The following DNMBP variants were observed in gnomAD, a reference collection of about 807,000 sequenced individuals.
The protein encoded by DNMBP is dynamin-binding protein.
A neutral mutation model predicts 150.0 loss-of-function variants in DNMBP; 87 were observed. That is an observed-to-expected ratio of 0.58 (90% CI 0.49 to 0.69). The LOEUF (loss-of-function observed/expected upper bound fraction) is 0.69, where lower values mean the gene tolerates loss of function less well. Among genes scored for constraint, DNMBP ranks in the 30% least tolerant of loss-of-function variants. The probability of loss-of-function intolerance (pLI) is 0.00; values close to 1 mark genes in which losing one functional copy is unlikely to be tolerated. For synonymous variants in DNMBP, 711 were observed against 750.4 expected, an observed-to-expected ratio of 0.95 and a Z score of 0.86; for missense variants, 1,774 against 1,949.0, an observed-to-expected ratio of 0.91 and a Z score of 1.69.
chr10:99,932,528 C>T (rs112462346), intron 4 of DNMBP, among the ~76,000 whole-genome samples: 16 of 151,652 alleles, frequency 1.1e-4, no homozygotes, highest in Admixed American at 2.0e-4. Context: ...AAATACTCTA[C>T]GTGGTCAGGC....
intron 1 of DNMBP, among the ~76,000 whole-genome samples, chr10:99,988,138 AGAT>A (rs1171795602): frequency 2.0e-5 from 3 of 152,210 alleles, no homozygotes; most frequent in Admixed American, 2.0e-4. Flanking sequence ...GCGTCCAATG[AGAT>A]GACCATTTTC....
rs533030422 is a variant in DNMBP, at chr10:99,896,187, A to G, written c.3051+80T>C. 2.6e-6 allele frequency: 4 copies of G among 1,522,514 alleles called. No individual in the cohort carries two copies. In the South Asian group the frequency reaches 3.7e-5, roughly 14 times the overall value. 94.3% of individuals were successfully genotyped at this position (1,522,514 alleles called of 1,614,324 possible). A position where few individuals can be genotyped will look rare whatever the true frequency, so the allele number is the denominator to read the frequency against. On this transcript the variant is annotated intron_variant, in intron 10 of 16. Coordinates refer to ENST00000324109, the MANE Select transcript of DNMBP (RefSeq NM_015221.4). Reference sequence around the variant, plus strand: ...ACGTCTGAGGAAGGGAACCACGCCAATTGACGCCAGGCAGGCTGTCTCATG... The same window carrying G: ...ACGTCTGAGGAAGGGAACCACGCCAGTTGACGCCAGGCAGGCTGTCTCATG...
rs2039695187 is a variant in DNMBP, at chr10:99,898,690, G to A, written c.2720+53C>T. The A allele has an allele frequency of 1.9e-6, 3 of 1,597,892 alleles. No homozygotes were observed. The East Asian group carries it at 6.7e-5, about 36-fold the overall frequency. ...AATACAGTTGCTTAAGAGTTAGTTA[G>A]GAAAAATCCACAGAAGAAATGAGCG... is the stretch of plus-strand genomic sequence containing the variant. On this transcript the variant is annotated intron_variant, in intron 8 of 16. Transcript: ENST00000324109.
At chr10:99,999,471 T>C (rs1437474986) in intron 1 of DNMBP, among the ~76,000 whole-genome samples, 2 of 152,196 alleles carry the variant, frequency 1.3e-5, no homozygotes, top group Non-Finnish European at 2.9e-5. Context: ...ATTATTGTTG[T>C]TGTTACACAC....
chr10:99,887,417 C>T (rs1434811670), intron 12 of DNMBP, among the ~76,000 whole-genome samples: 3 of 151,794 alleles, frequency 2.0e-5, no homozygotes, highest in Non-Finnish European at 4.4e-5. Flanking sequence ...GTCCCAGCTC[C>T]TTGGGAGGCT....
intron 1 of DNMBP, among the ~76,000 whole-genome samples, chr10:99,981,603 A>C (rs1326016601): frequency 1.3e-5 from 2 of 152,210 alleles, no homozygotes; most frequent in Non-Finnish European, 2.9e-5. Flanking sequence ...TTAATAAGTA[A>C]TTTCTAATGT....
At chr10:99,993,705 G>C (rs1330086914) in intron 1 of DNMBP, among the ~76,000 whole-genome samples, 1 of 152,112 alleles carries the variant, frequency 6.6e-6, no homozygotes, top group African/African-American at 2.4e-5. Flanking sequence ...GGGAGGCTGA[G>C]GTGGAAGGAT....
At chr10:99,998,870 T>C (rs2040981058) in intron 1 of DNMBP, among the ~76,000 whole-genome samples, 1 of 152,218 alleles carries the variant, frequency 6.6e-6, no homozygotes, top group Admixed American at 6.5e-5. Flanking sequence ...AGTTAGCTTT[T>C]TAGATTTTAA....
Position 99,880,359 on chromosome 10 carries a change from T to TA in DNMBP, c.3999_4000insT (p.Thr1334TyrfsTer26). The TA allele has an allele frequency of 6.3e-7, 1 of 1,581,692 alleles. No individual in the cohort carries two copies. The highest frequency in any genetic ancestry group is 8.6e-7 in the Non-Finnish European group (1 of 1,165,060). On this transcript the variant is annotated frameshift_variant and splice_region_variant, in exon 16 of 17. Coordinates refer to ENST00000324109, the MANE Select transcript of DNMBP (RefSeq NM_015221.4). LOFTEE classifies it high-confidence loss of function. ...AAAGAGCTGTACACGAAGCCTTTGGTGACTACAAAGGAAACAGGAAATATA... is the reference window on the plus strand; with the variant it reads ...AAAGAGCTGTACACGAAGCCTTTGGTAGACTACAAAGGAAACAGGAAATATA...
In DNMBP at chr10:99,879,938, A is replaced by C; in HGVS notation, c.4421T>G (p.Ile1474Arg). The C allele has an allele frequency of 6.2e-7, 1 of 1,614,066 alleles. No individual in the cohort carries two copies. The highest frequency in any genetic ancestry group is 8.5e-7 in the Non-Finnish European group (1 of 1,180,014). Reference protein sequence around the residue: ...RSYRNFRHPEIVGYSVPGRNG... With the variant: ...RSYRNFRHPERVGYSVPGRNG... ...TCGTCCTGGTACGGAGTAGCCAACT[A>C]TTTCTGGATGCCTGAAGTTCCGGTA... is the stretch of plus-strand genomic sequence containing the variant. Residue 1474 changes from isoleucine (I) to arginine (R), a missense_variant, in exon 16 of 17, where the codon ATA becomes AGA. By Grantham distance (97) the Ile-to-Arg change is moderately conservative (BLOSUM62 -3). Around this residue, in one of 2 missense-constraint regions of DNMBP, gnomAD observed 1,430 missense variants for 1,492.5 expected, o/e 0.96. Coordinates refer to ENST00000324109, the MANE Select transcript of DNMBP (RefSeq NM_015221.4).
chr10:99,879,084 C>CAAAAAAAAAAAAAAAAAAAAAAAAA (rs71009780), intron 16 of DNMBP, among the ~76,000 whole-genome samples: 10 of 62,404 alleles, frequency 1.6e-4, no homozygotes, highest in Admixed American at 1.9e-4. Context: ...GACTCTGTCT[C>CAAAAAAAAAAAAAAAAAAAAAAAAA]AAAAAAAAAA....
intron 4 of DNMBP, among the ~76,000 whole-genome samples, chr10:99,945,580 T>G (rs1314829607): frequency 1.3e-5 from 2 of 152,182 alleles, no homozygotes; most frequent in Non-Finnish European, 2.9e-5. Context: ...AGAAATAAAG[T>G]TTTGCAAACA....
At chr10:99,966,560 T>C (rs1246235693) in intron 3 of DNMBP, among the ~76,000 whole-genome samples, 1 of 152,226 alleles carries the variant, frequency 6.6e-6, no homozygotes, top group African/African-American at 2.4e-5. Flanking sequence ...CACTGTACTC[T>C]TGTCCTTTCT....
In DNMBP at chr10:99,930,299, A is replaced by G. The variant is rs1391326484; in HGVS notation, c.2261-21153T>C. Reference sequence around the variant, plus strand: ...AACCCCTACAGTCAGTCAACTGTTCAGCTTTTTTAGAGTCCTCAGGATTAT... The same window carrying G: ...AACCCCTACAGTCAGTCAACTGTTCGGCTTTTTTAGAGTCCTCAGGATTAT... On this transcript the variant is annotated intron_variant, in intron 4 of 16. Coordinates refer to ENST00000324109, the MANE Select transcript of DNMBP (RefSeq NM_015221.4). 31 of 702,874 alleles carry G rather than the reference A, an allele frequency of 4.4e-5. No homozygotes were observed. The Admixed American group carries it at 6.2e-4, about 14-fold the overall frequency. 43.5% of individuals were successfully genotyped at this position (702,874 alleles called of 1,614,324 possible).
chr10:99,991,903 C>G (rs1228819862), intron 1 of DNMBP, among the ~76,000 whole-genome samples: 1 of 110,412 alleles, frequency 9.1e-6, no homozygotes, highest in Admixed American at 8.9e-5. Flanking sequence ...GAGACTCCAC[C>G]TCAAAAAAAA....
chr10:99,888,198 T>G (rs975109381), intron 12 of DNMBP, among the ~76,000 whole-genome samples: 1 of 138,096 alleles, frequency 7.2e-6, no homozygotes, highest in Non-Finnish European at 1.5e-5. Context: ...CTTCAAGGTT[T>G]TTTTTTTGTT....
rs369854167 is a variant in DNMBP at position 99,956,652 on chromosome 10, C to T, written c.822G>A (p.Ala274=). ...FEVGDKIRIL[A]TLEDGWLEGS... ...CTTCCAGCCAGCCATCTTCCAAGGTCGCCAGAATTCGGATTTTATCCCCGA... is the reference window on the plus strand; with the variant it reads ...CTTCCAGCCAGCCATCTTCCAAGGTTGCCAGAATTCGGATTTTATCCCCGA... Residue 274 remains alanine, a synonymous_variant, in exon 4 of 17, where the codon GCG becomes GCA. Transcript: ENST00000324109. The T allele has an allele frequency of 1.6e-4, 266 of 1,613,826 alleles. 1 individual carries two copies. The Middle Eastern group carries it at 1.7e-3, about 10-fold the overall frequency.
Position 99,955,208 on chromosome 10 carries a change from A to G in DNMBP, c.2260+6T>C. On this transcript the variant is annotated splice_donor_region_variant and intron_variant, in intron 4 of 16. Transcript: ENST00000324109. The stretch of plus-strand genomic sequence containing the variant: ...AACAATTACATATTATTTCCTCGTC[A>G]CTTACCTCTTAGTTGCTGGAGTTCC... The G allele has an allele frequency of 6.2e-7, 1 of 1,609,706 alleles. No homozygotes were observed. The highest frequency in any genetic ancestry group is 8.5e-7 in the Non-Finnish European group (1 of 1,177,016).
intron 4 of DNMBP, among the ~76,000 whole-genome samples, chr10:99,953,819 A>AAAAAAAAAAAAAAGAAAAAG (rs1229016312): frequency 3.0e-5 from 4 of 133,522 alleles, no homozygotes; most frequent in African/African-American, 8.8e-5. Flanking sequence ...GTCTCAAAAA[A>AAAAAAAAAAAAAAGAAAAAG]AAAAAGAAAA....
Sources: gnomAD v4.1 joint callset for allele counts (sites outside exome capture counted in the v4.1 genomes callset) on GRCh38, gnomAD v4.1.1 for gene constraint, gnomAD v4.1.1 regional missense constraint, MANE v1.5 for transcripts, NCBI Gene and HGNC (gene_info 2026-07-23, HGNC 2026-07-21) for gene names.